Variants in SMARCD1 observed in about 807,000 individuals in gnomAD.
SMARCD1 encodes the protein SWI/SNF related BAF chromatin remodeling complex subunit D1.
In SMARCD1, 16 loss-of-function variants were observed where a neutral mutation model predicts 70.8. That is an observed-to-expected ratio of 0.23 (90% CI 0.15 to 0.34). The LOEUF (loss-of-function observed/expected upper bound fraction) is 0.34, where lower values mean the gene tolerates loss of function less well. SMARCD1 is among the 10% of genes least tolerant of loss of function. SMARCD1 has a pLI of 1.00. For missense variants in SMARCD1, 409 were observed against 655.5 expected (o/e 0.62, Z 4.11); for synonymous variants, 249 against 246.0 (o/e 1.01, Z -0.11).
chr12:50,094,639 G>T, intron 10 of SMARCD1, 67 bp downstream of exon 10: 1 of 1,477,576 alleles, frequency 6.8e-7, no homozygotes, highest in South Asian at 1.2e-5. Flanking sequence ...GCCTCCTTTT[G>T]ATTCTTAGTG....
At chr12:50,091,052 A>ACCTCGTGATCTGCCCGCCGAG (rs1427745713) in intron 9 of SMARCD1, among the ~76,000 whole-genome samples, 22 of 150,514 alleles carry the variant, frequency 1.5e-4, no homozygotes, top group Non-Finnish European at 2.5e-4. Flanking sequence ...TCTCAATCTG[A>ACCTCGTGATCTGCCCGCCGAG]CCTCGTGATC....
At chr12:50,090,785 A>G (rs769781464) in intron 9 of SMARCD1, among the ~76,000 whole-genome samples, 195 bp downstream of exon 9, 4 of 150,670 alleles carry the variant, frequency 2.7e-5, no homozygotes, top group African/African-American at 9.8e-5. Context: ...TTCAAAATGT[A>G]TAACTTCCTA....
chr12:50,099,027 T>C lies in SMARCD1; in HGVS notation c.*27T>C. 6.2e-7 allele frequency: 1 copy of C among 1,611,006 alleles called. No homozygotes were observed. The highest frequency in any genetic ancestry group is 1.7e-5 in the Admixed American group (1 of 60,008). ...GCCTCTCCCACAGCCCTGATTCGAC[T>C]GCACCAATTCTTGATTTGGGCCCTG... On this transcript the variant is annotated 3_prime_UTR_variant, in exon 13 of 13. Coordinates refer to ENST00000394963, the MANE Select transcript of SMARCD1 (RefSeq NM_003076.5).
chr12:50,095,406 G>A (rs574009307), intron 10 of SMARCD1, among the ~76,000 whole-genome samples: 1 of 151,298 alleles, frequency 6.6e-6, no homozygotes, highest in East Asian at 2.0e-4. Context: ...GGCTCACTAC[G>A]ACCTCCGCCT....
intron 4 of SMARCD1, 155 bp downstream of exon 4, chr12:50,087,033 G>A: frequency 1.3e-6 from 1 of 779,286 alleles, no homozygotes; most frequent in Non-Finnish European, 2.0e-6. Context: ...ACATTAGGAG[G>A]ATAAGAACAG....
In SMARCD1 at chr12:50,086,165, C is replaced by G; in HGVS notation, c.182C>G (p.Pro61Arg). The G allele has an allele frequency of 6.4e-7, 1 of 1,553,308 alleles. No homozygotes were observed. Among genetic ancestry groups the G allele is most frequent in the Non-Finnish European group, 8.7e-7 (1 of 1,146,314 alleles). The change falls in exon 2 of 13, where the codon CCA becomes CGA. Residue 61 changes from proline (P) to arginine (R), a missense_variant. By Grantham distance (103) the Pro-to-Arg change is moderately radical. Transcript: ENST00000394963. Reference sequence around the variant, plus strand: ...TGGGTCCTCTCCCCTCTGTAGAGACCAGGTATGTTGCCAGGCAGCCGAATG... The same window carrying G: ...TGGGTCCTCTCCCCTCTGTAGAGACGAGGTATGTTGCCAGGCAGCCGAATG... ...SPMPGAAYPR[P>R]GMLPGSRMTP...
rs1308251763 is a variant in SMARCD1 at position 50,092,566 on chromosome 12, CAG to C, written c.1134-1866_1134-1865del. 4.1e-5 allele frequency among the ~76,000 whole-genome samples: 6 copies of C among 146,938 alleles called. No homozygotes were observed. In the South Asian group the frequency reaches 1.3e-3, roughly 32 times the overall value. On this transcript the variant is annotated intron_variant, in intron 9 of 12. Transcript: ENST00000394963. Reference sequence around the variant, plus strand: ...TTTTGACCCTGAACCTACAAGATGACAGAGAGGGAGGGGAAAAAAAGAAAAAA... The same window carrying C: ...TTTTGACCCTGAACCTACAAGATGACAGAGGGAGGGGAAAAAAAGAAAAAA...
At chr12:50,097,891 CAAA>C (rs749628224) in intron 11 of SMARCD1, among the ~76,000 whole-genome samples, 1 of 42,186 alleles carries the variant, frequency 2.4e-5, no homozygotes, top group African/African-American at 8.2e-5. Context: ...GACTCCATCT[CAAA>C]AAAAAAAAAA....
intron 5 of SMARCD1, 89 bp from the exon 6 acceptor site, chr12:50,088,432 T>G: frequency 1.3e-6 from 1 of 744,808 alleles, no homozygotes; most frequent in Non-Finnish European, 2.3e-6. Flanking sequence ...TTTTTTTCCA[T>G]TGTTGTTGGG....
intron 11 of SMARCD1, 96 bp from the exon 12 acceptor site, chr12:50,098,617 TG>T: frequency 1.1e-6 from 1 of 946,634 alleles, no homozygotes; most frequent in Non-Finnish European, 1.6e-6. Context: ...TTCAACATTT[TG>T]GGGAAGGATA....
chr12:50,088,819 C>A, intron 6 of SMARCD1, 182 bp downstream of exon 6: 1 of 392,622 alleles, frequency 2.5e-6, no homozygotes, highest in South Asian at 7.8e-5. Context: ...TAGTTAGGAC[C>A]AAGGGCTCTT....
At chr12:50,092,235 C>CTTTTTTTTTTTTTTTTTT (rs60619880) in intron 9 of SMARCD1, among the ~76,000 whole-genome samples, 37 of 91,148 alleles carry the variant, frequency 4.1e-4, no homozygotes, top group African/African-American at 5.8e-4. Flanking sequence ...TTCTTTCTTT[C>CTTTTTTTTTTTTTTTTTT]TTTTTTTTTT....
At position 50,099,483 on chromosome 12, in the gene SMARCD1, A is replaced by C; in HGVS notation, c.*483A>C. ...GAATCCAATTTCCTTCCTTCCCTCC[A>C]CAGGTTTGGAACAAACTCTCCCTTC... On this transcript the variant is annotated 3_prime_UTR_variant, in exon 13 of 13. Coordinates refer to ENST00000394963, the MANE Select transcript of SMARCD1 (RefSeq NM_003076.5). 2.5e-6 allele frequency: 1 copy of C among 404,240 alleles called. No homozygotes were observed. The highest frequency in any genetic ancestry group is 3.5e-5 in the East Asian group (1 of 28,320). 25.0% of individuals were successfully genotyped at this position (404,240 alleles called of 1,614,324 possible). A position where few individuals can be genotyped will look rare whatever the true frequency, so the allele number is the denominator to read the frequency against.
intron 1 of SMARCD1, 95 bp from the exon 2 acceptor site, chr12:50,086,066 C>T: frequency 1.0e-6 from 1 of 967,324 alleles, no homozygotes; most frequent in Non-Finnish European, 1.5e-6. Flanking sequence ...CTAAACCTTA[C>T]TTCATTCAAA....
intron 4 of SMARCD1, among the ~76,000 whole-genome samples, 195 bp from the exon 5 acceptor site, chr12:50,087,168 A>G (rs1423941314): frequency 3.3e-5 from 5 of 152,176 alleles, no homozygotes; most frequent in African/African-American, 9.7e-5. Context: ...TCCACCTGGC[A>G]TCCCACTATA....
chr12:50,090,042 C>A, intron 7 of SMARCD1, 57 bp downstream of exon 7: 2 of 1,462,066 alleles, frequency 1.4e-6, no homozygotes, highest in South Asian at 1.1e-5. Flanking sequence ...CGTCAGCAGT[C>A]TCACTTTAAA....
intron 10 of SMARCD1, 174 bp from the exon 11 acceptor site, chr12:50,096,676 C>G (rs1326540771): frequency 6.8e-5 from 39 of 575,076 alleles, no homozygotes; most frequent in Non-Finnish European, 1.1e-4. Context: ...GGGCAAATTA[C>G]TTGCTGAAAG....
intron 2 of SMARCD1, 77 bp downstream of exon 2, chr12:50,086,425 A>G: frequency 7.3e-7 from 1 of 1,363,282 alleles, no homozygotes; most frequent in South Asian, 1.3e-5. Flanking sequence ...CTGAACCAAG[A>G]AGTGGTGGTG....
chr12:50,090,261 C>A lies in SMARCD1; in HGVS notation c.894C>A (p.Asp298Glu). 5.0e-6 allele frequency: 8 copies of A among 1,613,276 alleles called. No homozygotes were observed. The highest frequency in any genetic ancestry group is 4.2e-6 in the Non-Finnish European group (5 of 1,179,592). The stretch of plus-strand genomic sequence containing the variant: ...TGCAGCCTCCCCAGTTTAAATTAGA[C>A]CCCCGCCTAGCTCGACTCCTGGGCA... The part of the protein sequence containing the change: ...LDYQPPQFKL[D>E]PRLARLLGIH... Residue 298 changes from aspartate (D) to glutamate (E), a missense_variant, in exon 8 of 13, where the codon GAC becomes GAA. Around this residue, in one of 2 missense-constraint regions of SMARCD1, gnomAD observed 269 missense variants for 498.6 expected, o/e 0.54. Transcript: ENST00000394963.
Sources: gnomAD v4.1 joint callset for allele counts (sites outside exome capture counted in the v4.1 genomes callset) on GRCh38, gnomAD v4.1.1 for gene constraint, gnomAD v4.1.1 regional missense constraint, MANE v1.5 for transcripts, NCBI Gene and HGNC (gene_info 2026-07-23, HGNC 2026-07-21) for gene names.